CDK12: variants seen among roughly 807,000 people sequenced by gnomAD.
CDK12 encodes cyclin dependent kinase 12, also known as cyclin-dependent kinase 12.
In CDK12, 17 loss-of-function variants were observed where a neutral mutation model predicts 133.8. The observed-to-expected ratio is 0.13, with a 90% CI of 0.09 to 0.19. The LOEUF is 0.19. Ranked by LOEUF, CDK12 falls within the 10% of genes least tolerant of loss-of-function variation. The pLI, the probability that CDK12 is intolerant of heterozygous loss-of-function variation, is 1.00. For missense variants in CDK12, 1,508 were observed against 1,818.7 expected (o/e 0.83, Z 3.11); for synonymous variants, 694 against 683.6 (o/e 1.02, Z -0.24).
chr17:39,512,337 G>A (rs1458735743), intron 8 of CDK12, among the ~76,000 whole-genome samples: 1 of 152,170 alleles, frequency 6.6e-6, no homozygotes, highest in African/African-American at 2.4e-5. Context: ...AGTAGACCCT[G>A]AAACTACTTT....
intron 2 of CDK12, among the ~76,000 whole-genome samples, chr17:39,482,031 T>TTTTTTTTTTTTTTTTA (rs1567707439): frequency 1.4e-5 from 2 of 147,920 alleles, no homozygotes; most frequent in Non-Finnish European, 3.0e-5. Context: ...TTTTTTTTTT[T>TTTTTTTTTTTTTTTTA]AACAGAGTTT....
intron 3 of CDK12, among the ~76,000 whole-genome samples, chr17:39,559,778 GTGGTAAGCCAAGATCA>G (rs2056301380): frequency 6.7e-6 from 1 of 150,176 alleles, no homozygotes; most frequent in East Asian, 2.0e-4. Context: ...GGCAGAGATT[GTGGTAAGCCAAGATCA>G]TGCCACTGCA....
At chr17:39,547,695 G>C (rs1352576695), upstream of CDK12, 1 of 152,302 alleles carries the variant, frequency 6.6e-6, no homozygotes, top group Non-Finnish European at 1.5e-5. Context: ...GAGTTGCAGG[G>C]TCAGGTGTGG....
At position 39,463,076 on chromosome 17, in the gene CDK12, T is replaced by A; in HGVS notation, c.1005T>A (p.Pro335=). 4 of 1,614,162 alleles carry A rather than the reference T, an allele frequency of 2.5e-6. 1 individual carries two copies. The South Asian group carries it at 3.3e-5, about 13-fold the overall frequency. Residue 335 remains proline (P), a synonymous_variant, in exon 1 of 14, where the codon CCT becomes CCA. Coordinates refer to ENST00000447079, the MANE Select transcript of CDK12 (RefSeq NM_016507.4). ...ATGGTCGAAGGCGGTCCAGCAGCCCTTTCCTGAGCAAGCGGTCTCTGAGTC... is the reference window on the plus strand; with the variant it reads ...ATGGTCGAAGGCGGTCCAGCAGCCCATTCCTGAGCAAGCGGTCTCTGAGTC... The part of the protein sequence containing the change: ...SPYGRRRSSS[P]FLSKRSLSRS...
chr17:39,524,286 C>T (rs959339188), intron 11 of CDK12, among the ~76,000 whole-genome samples: 2 of 152,206 alleles, frequency 1.3e-5, no homozygotes, highest in African/African-American at 2.4e-5. Flanking sequence ...CTTTCCTCGA[C>T]CTTCTGTATA....
chr17:39,500,183 T>G (rs1005484181), intron 5 of CDK12, among the ~76,000 whole-genome samples: 5 of 152,000 alleles, frequency 3.3e-5, no homozygotes, highest in Non-Finnish European at 5.9e-5. Flanking sequence ...TGAAAAACAT[T>G]AACTGGGTGT....
chr17:39,541,664 G>C (rs958332870), intron 1 of CDK12, among the ~76,000 whole-genome samples: 1 of 152,104 alleles, frequency 6.6e-6, no homozygotes, highest in Non-Finnish European at 1.5e-5. Context: ...CCCGAGTTTG[G>C]CTCTTAAAGG....
At chr17:39,513,327 A>T (rs1323641882) in intron 8 of CDK12, among the ~76,000 whole-genome samples, 1 of 152,134 alleles carries the variant, frequency 6.6e-6, no homozygotes, top group African/African-American at 2.4e-5. Flanking sequence ...TCCTTCCTCT[A>T]TTAATGTCAG....
chr17:39,497,844 G>C (rs1157284454), intron 5 of CDK12, among the ~76,000 whole-genome samples: 1 of 151,864 alleles, frequency 6.6e-6, no homozygotes, highest in East Asian at 1.9e-4. Flanking sequence ...GGCTCAAGCA[G>C]TCCTCTTGCC....
downstream of CDK12, among the ~76,000 whole-genome samples, chr17:39,566,486 G>A (rs1597748931): frequency 6.6e-6 from 1 of 152,046 alleles, no homozygotes; most frequent in Admixed American, 6.5e-5. Flanking sequence ...CAGCCCTACC[G>A]ACACCCCACC....
rs780806442 is a variant in CDK12, at chr17:39,531,287, G to T, written c.4444G>T (p.Gly1482Trp). The part of the protein sequence containing the change: ...YRGPTRVPPR[G>W]GRGRGVPY ...GGGGCCTACAAGAGTCCCACCAAGA[G>T]GGGGAAGAGGGAGAGGAGTTCCTTA... Residue 1482 changes from glycine to tryptophan, a missense_variant, in exon 14 of 14, where the codon GGG becomes TGG. By Grantham distance (184) the Gly-to-Trp change is radical. Around this residue, in one of 9 missense-constraint regions of CDK12, gnomAD observed 114 missense variants for 101.2 expected, o/e 1.13. Transcript: ENST00000447079. 2 of 1,495,046 alleles carry T rather than the reference G, an allele frequency of 1.3e-6. No individual in the cohort carries two copies. Among genetic ancestry groups the T allele is most frequent in the East Asian group, 2.3e-5 (1 of 42,734 alleles). The allele number at this position is 1,495,046 out of a possible 1,614,324, so 92.6% of individuals were successfully genotyped here.
At chr17:39,539,125 T>A (rs1598215379), downstream of CDK12, among the ~76,000 whole-genome samples, 1 of 152,128 alleles carries the variant, frequency 6.6e-6, no homozygotes, top group South Asian at 2.1e-4. Flanking sequence ...AAATAACTTC[T>A]CCATTCCTAG....
chr17:39,539,754 G>T (rs151238787), intron 1 of CDK12, among the ~76,000 whole-genome samples: 23 of 152,284 alleles, frequency 1.5e-4, no homozygotes, highest in Non-Finnish European at 2.8e-4. Flanking sequence ...CCAAAGGAAA[G>T]AAATAATCGG....
At chr17:39,518,932 G>T (rs1163755557) in intron 10 of CDK12, among the ~76,000 whole-genome samples, 2 of 152,060 alleles carry the variant, frequency 1.3e-5, no homozygotes, top group Admixed American at 1.3e-4. Flanking sequence ...ATGGGGTTTC[G>T]CTCTTGTTGC....
downstream of CDK12, among the ~76,000 whole-genome samples, chr17:39,538,327 T>C (rs2055237065): frequency 6.6e-6 from 1 of 152,190 alleles, no homozygotes; most frequent in Admixed American, 6.5e-5. Flanking sequence ...TAGATCCAAA[T>C]GATGGCAGTG....
intron 6 of CDK12, among the ~76,000 whole-genome samples, chr17:39,506,013 G>C (rs1212314966): frequency 6.6e-6 from 1 of 152,078 alleles, no homozygotes; most frequent in Non-Finnish European, 1.5e-5. Context: ...CACTGAAAAA[G>C]GTCATTTACT....
At chr17:39,542,656 A>T (rs2055484993) in intron 1 of CDK12, among the ~76,000 whole-genome samples, 1 of 150,948 alleles carries the variant, frequency 6.6e-6, no homozygotes, top group Admixed American at 6.6e-5. Flanking sequence ...GATTACAGGC[A>T]TGTGCCACCA....
In CDK12 at chr17:39,463,040, G is replaced by C. The variant is rs2144908842; in HGVS notation, c.969G>C (p.Ser323=). 2 of 1,614,180 alleles carry C rather than the reference G, an allele frequency of 1.2e-6. No individual in the cohort carries two copies. The part of the protein sequence containing the change: ...YERSGSYSGR[S]PSPYGRRRSS... ...GAAGTGGCTCTTACAGCGGGCGATC[G>C]CCCAGTCCCTATGGTCGAAGGCGGT... is the stretch of plus-strand genomic sequence containing the variant. The change falls in exon 1 of 14, where the codon TCG becomes TCC. Residue 323 remains serine (S), a synonymous_variant. Coordinates refer to ENST00000447079, the MANE Select transcript of CDK12 (RefSeq NM_016507.4).
rs2049063645 is a variant in CDK12, at chr17:39,463,122, G to A, written c.1046+5G>A. On this transcript the variant is annotated splice_donor_5th_base_variant and intron_variant, in intron 1 of 13. Coordinates refer to ENST00000447079, the MANE Select transcript of CDK12 (RefSeq NM_016507.4). Reference sequence around the variant, plus strand: ...GAGTCGGAGTCCACTCCCCAGGTGAGCTATTTGTCTAACAGTCCTTCCTCA... The same window carrying A: ...GAGTCGGAGTCCACTCCCCAGGTGAACTATTTGTCTAACAGTCCTTCCTCA... 1 of 1,611,868 alleles carries A rather than the reference G, an allele frequency of 6.2e-7. No individual in the cohort carries two copies. Among genetic ancestry groups the A allele is most frequent in the African/African-American group, 1.3e-5 (1 of 74,974 alleles).
Sources: gnomAD v4.1 joint callset for allele counts (sites outside exome capture counted in the v4.1 genomes callset) on GRCh38, gnomAD v4.1.1 for gene constraint, gnomAD v4.1.1 regional missense constraint, MANE v1.5 for transcripts, NCBI Gene and HGNC (gene_info 2026-07-23, HGNC 2026-07-21) for gene names.